VCAN: variants seen among roughly 807,000 people sequenced by gnomAD.
VCAN encodes the protein versican core protein.
VCAN carries 44 observed loss-of-function variants against 245.5 expected under a neutral mutation model. That is an observed-to-expected ratio of 0.18 (90% CI 0.14 to 0.23). VCAN has a LOEUF of 0.23. VCAN is among the 10% of genes least tolerant of loss of function. The pLI, the probability that VCAN is intolerant of heterozygous loss-of-function variation, is 1.00. For synonymous variants in VCAN, 1,413 were observed against 1,437.0 expected (o/e 0.98, Z 0.38); for missense variants, 3,793 against 4,057.9 (o/e 0.93, Z 1.77).
chr5:83,534,463 T>A (rs1337317821), intron 7 of VCAN, among the ~76,000 whole-genome samples: 1 of 152,066 alleles, frequency 6.6e-6, no homozygotes, highest in Non-Finnish European at 1.5e-5. Flanking sequence ...CCCATGTTTC[T>A]TATTTAAAAT....
In VCAN at chr5:83,483,538, G is replaced by A. The variant is rs1744685152; in HGVS notation, c.20G>A (p.Ser7Asn). The change falls in exon 2 of 15, where the codon AGC becomes AAC. Residue 7 changes from serine to asparagine, a missense_variant. Ser to Asn is a conservative substitution (Grantham distance 46). Transcript: ENST00000265077. Reference protein sequence around the residue: MFINIKSILWMCSTLIV... With the variant: MFINIKNILWMCSTLIV... ...GCCAAGATGTTCATAAATATAAAGA[G>A]CATCTTATGGATGTGTTCAACCTTA... is the stretch of plus-strand genomic sequence containing the variant. The A allele has an allele frequency of 6.2e-7, 1 of 1,613,268 alleles. No homozygotes were observed. The highest frequency in any genetic ancestry group is 1.1e-5 in the South Asian group (1 of 91,068).
chr5:83,580,335 G>T lies in VCAN; in HGVS notation c.10092G>T (p.Met3364Ile), dbSNP rs765060483. Residue 3364 changes from methionine (M) to isoleucine (I), a missense_variant, in exon 15 of 15, where the codon ATG becomes ATT. Met to Ile is a conservative substitution (Grantham distance 10). Around this residue, in one of 5 missense-constraint regions of VCAN, gnomAD observed 205 missense variants for 321.1 expected, o/e 0.64. Coordinates refer to ENST00000265077, the MANE Select transcript of VCAN (RefSeq NM_004385.5). The part of the protein sequence containing the change: ...NPSAYQRTYS[M>I]KYFKNSSSAK... The stretch of plus-strand genomic sequence containing the variant: ...CTGCATACCAAAGGACTTATTCTAT[G>T]AAATACTTTAAAAATTCCTCATCAG... 2 of 1,613,798 alleles carry T rather than the reference G, an allele frequency of 1.2e-6. No individual in the cohort carries two copies. The highest frequency in any genetic ancestry group is 1.1e-5 in the South Asian group (1 of 91,038).
In VCAN at chr5:83,581,224, T is replaced by G. The variant is rs1748659813; in HGVS notation, c.*790T>G. ...CAACCAGGTCTACTTTTTAATGGCT[T>G]TCATAACACTAACTCATAAGGTTAC... On this transcript the variant is annotated 3_prime_UTR_variant, in exon 15 of 15. Transcript: ENST00000265077. 1 of 152,512 alleles carries G rather than the reference T, an allele frequency of 6.6e-6. No homozygotes were observed. The highest frequency in any genetic ancestry group is 2.4e-5 in the African/African-American group (1 of 41,222). 9.4% of individuals were successfully genotyped at this position (152,512 alleles called of 1,614,324 possible).
chr5:83,502,851 A>G (rs1185869880), intron 5 of VCAN, among the ~76,000 whole-genome samples: 1 of 152,168 alleles, frequency 6.6e-6, no homozygotes, highest in Non-Finnish European at 1.5e-5. Flanking sequence ...TCAGCCTAAT[A>G]CAAGGGAGAA....
At chr5:83,484,509 TTCCATCCA>T (rs200174622) in intron 2 of VCAN, among the ~76,000 whole-genome samples, 8,436 of 149,184 alleles carry the variant, frequency 0.057, 743 homozygotes, top group African/African-American at 0.19. Context: ...CCATCCATCC[TTCCATCCA>T]TCCATCCATC....
At chr5:83,533,977 G>A (rs1033371198) in intron 7 of VCAN, 4 of 152,118 alleles carry the variant, frequency 2.6e-5, no homozygotes, top group Non-Finnish European at 5.9e-5. Flanking sequence ...TTATTATACA[G>A]TACTGATTTA....
intron 7 of VCAN, among the ~76,000 whole-genome samples, chr5:83,530,026 C>T (rs1746458634): frequency 6.6e-6 from 1 of 152,082 alleles, no homozygotes; most frequent in Admixed American, 6.6e-5. Context: ...ACTGAAATAA[C>T]TTCTTAAAAA....
At chr5:83,509,881 T>G (rs1008978872) in intron 5 of VCAN, among the ~76,000 whole-genome samples, 2 of 152,050 alleles carry the variant, frequency 1.3e-5, no homozygotes, top group African/African-American at 4.8e-5. Context: ...AGCAGCCATC[T>G]CTCCAAAGCT....
At position 83,537,813 on chromosome 5, in the gene VCAN, A is replaced by G. The variant is rs1333016378; in HGVS notation, c.4810A>G (p.Ile1604Val). Residue 1604 changes from isoleucine to valine, a missense_variant, in exon 8 of 15, where the codon ATA becomes GTA. Transcript: ENST00000265077. ...YVSEEEAVTL[I>V]GNPWPDDLLS... ...TTCAGAGGAAGAAGCAGTTACCCTA[A>G]TAGGAAATCCTTGGCCAGATGACCT... 4.3e-6 allele frequency: 7 copies of G among 1,614,002 alleles called. No individual in the cohort carries two copies. The highest frequency in any genetic ancestry group is 1.1e-5 in the South Asian group (1 of 91,082).
chr5:83,557,661 G>C (rs1165578070), intron 12 of VCAN, among the ~76,000 whole-genome samples: 1 of 152,046 alleles, frequency 6.6e-6, no homozygotes, highest in Non-Finnish European at 1.5e-5. Flanking sequence ...AGTCTAGAAA[G>C]GTCCTAAACG....
intron 5 of VCAN, among the ~76,000 whole-genome samples, chr5:83,495,844 C>G: frequency 6.6e-6 from 1 of 152,088 alleles, no homozygotes; most frequent in East Asian, 1.9e-4. Flanking sequence ...GCATCCCAAG[C>G]CAGATTCCTT....
At chr5:83,525,909 A>T (rs763177297) in intron 7 of VCAN, among the ~76,000 whole-genome samples, 14 of 152,110 alleles carry the variant, frequency 9.2e-5, no homozygotes, top group Non-Finnish European at 1.9e-4. Context: ...ATCTGGGCAG[A>T]TACCCATATT....
intron 1 of VCAN, among the ~76,000 whole-genome samples, chr5:83,483,208 A>G (rs948938169): frequency 3.3e-5 from 5 of 152,194 alleles, no homozygotes; most frequent in Non-Finnish European, 7.4e-5. Context: ...TTCTTCATAC[A>G]GCCTACTCAC....
chr5:83,539,461 C>T lies in VCAN; in HGVS notation c.6458C>T (p.Thr2153Ile). 6.2e-7 allele frequency: 1 copy of T among 1,613,354 alleles called. No individual in the cohort carries two copies. The highest frequency in any genetic ancestry group is 8.5e-7 in the Non-Finnish European group (1 of 1,179,762). ...TTTACTGAAACTGAACTCAAAACCA[C>T]AGATTATTCTGTACTAACAACAAAG... Reference protein sequence around the residue: ...QTFTETELKTTDYSVLTTKKT... With the variant: ...QTFTETELKTIDYSVLTTKKT... Residue 2153 changes from threonine (T) to isoleucine (I), a missense_variant, in exon 8 of 15, where the codon ACA becomes ATA. Coordinates refer to ENST00000265077, the MANE Select transcript of VCAN (RefSeq NM_004385.5).
In VCAN at chr5:83,522,039, A is replaced by G. The variant is rs1746127323; in HGVS notation, c.3733A>G (p.Thr1245Ala). ...CGACAGGGAACCTGGTGAAGAAACA[A>G]CCAGTGACATGGTAATCATTGGAGA... ...LIDREPGEET[T>A]SDMVIIGEST... The change falls in exon 7 of 15, where the codon ACC becomes GCC. Residue 1245 changes from threonine to alanine, a missense_variant. Around this residue, in one of 5 missense-constraint regions of VCAN, gnomAD observed 3,182 missense variants for 3,250.3 expected, o/e 0.98. Transcript: ENST00000265077. The G allele has an allele frequency of 6.2e-7, 1 of 1,614,174 alleles. No homozygotes were observed. The highest frequency in any genetic ancestry group is 1.7e-5 in the Admixed American group (1 of 60,024).
At position 83,490,370 on chromosome 5, in the gene VCAN, C is replaced by G. The variant is rs1291378909; in HGVS notation, c.343C>G (p.Leu115Val). Residue 115 changes from leucine (L) to valine (V), a missense_variant, in exon 3 of 15, where the codon CTC (leucine) becomes GTC (valine). This residue lies in a region of VCAN where 179 missense variants were observed against 169.7 expected (regional missense o/e 1.05). Coordinates refer to ENST00000265077, the MANE Select transcript of VCAN (RefSeq NM_004385.5). ...TCCCGAGGCTGTGGGCGATGCCTCC[C>G]TCACTGTGGTCAAGCTGCTGGCAAG... ...THPEAVGDAS[L>V]TVVKLLASDA... 1 of 1,614,230 alleles carries G rather than the reference C, an allele frequency of 6.2e-7. No homozygotes were observed. Among genetic ancestry groups the G allele is most frequent in the Non-Finnish European group, 8.5e-7 (1 of 1,180,048 alleles).
chr5:83,492,476 T>G (rs1745014878), intron 3 of VCAN, among the ~76,000 whole-genome samples: 1 of 152,198 alleles, frequency 6.6e-6, no homozygotes, highest in South Asian at 2.1e-4. Flanking sequence ...ATTAGTTCAA[T>G]CCACTTTGAT....
At chr5:83,548,227 C>A in intron 10 of VCAN, 143 bp downstream of exon 10, 1 of 723,276 alleles carries the variant, frequency 1.4e-6, no homozygotes, top group Non-Finnish European at 2.5e-6. Context: ...ACATCTGAAT[C>A]ATAGTGTTGA....
intron 2 of VCAN, among the ~76,000 whole-genome samples, chr5:83,484,008 CCTTTT>C (rs1302339252): frequency 1.3e-5 from 2 of 152,086 alleles, no homozygotes; most frequent in African/African-American, 4.8e-5. Flanking sequence ...GCCCTTAGTT[CCTTTT>C]CTTTTCTTTT....
Sources: gnomAD v4.1 joint callset for allele counts (sites outside exome capture counted in the v4.1 genomes callset) on GRCh38, gnomAD v4.1.1 for gene constraint, gnomAD v4.1.1 regional missense constraint, MANE v1.5 for transcripts, NCBI Gene and HGNC (gene_info 2026-07-23, HGNC 2026-07-21) for gene names.